NAV3: variants seen among roughly 807,000 people sequenced by gnomAD.
NAV3 encodes pore membrane and/or filament interacting like protein 1.
A neutral mutation model predicts 244.7 loss-of-function variants in NAV3; 87 were observed. The ratio of observed to expected loss-of-function variants is 0.36; its 90% CI spans 0.30 to 0.42. NAV3 has a LOEUF of 0.42. Ranked by LOEUF, NAV3 falls within the 20% of genes least tolerant of loss-of-function variation. NAV3 has a pLI of 1.00. For missense variants in NAV3, 2,663 were observed against 2,893.3 expected, an observed-to-expected ratio of 0.92 and a Z score of 1.83; for synonymous variants, 1,126 against 1,042.2, an observed-to-expected ratio of 1.08 and a Z score of -1.55.
intron 2 of NAV3, among the ~76,000 whole-genome samples, chr12:77,625,773 T>G (rs1871592317): frequency 6.6e-6 from 1 of 152,154 alleles, no homozygotes; most frequent in South Asian, 2.1e-4. Context: ...CAACCAACAC[T>G]ATAGATAAAT....
At chr12:78,051,487 T>C (rs1882754371) in intron 11 of NAV3, among the ~76,000 whole-genome samples, 2 of 152,172 alleles carry the variant, frequency 1.3e-5, no homozygotes, top group Admixed American at 6.5e-5. Context: ...GCTGATTTGC[T>C]TGATTTTTTT....
chr12:78,050,148 T>C, intron 10 of NAV3, 47 bp downstream of exon 10: 1 of 1,312,386 alleles, frequency 7.6e-7, no homozygotes, highest in Admixed American at 2.0e-5. Flanking sequence ...GAAAAAATAA[T>C]TACAAACAAA....
At chr12:77,645,711 T>C (rs556341579) in intron 2 of NAV3, among the ~76,000 whole-genome samples, 3 of 152,212 alleles carry the variant, frequency 2.0e-5, no homozygotes, top group African/African-American at 7.2e-5. Context: ...TTATTGCATT[T>C]TGTGGTCATA....
chr12:77,997,237 C>CAAA (rs139557569), intron 6 of NAV3, among the ~76,000 whole-genome samples: 61 of 78,548 alleles, frequency 7.8e-4, no homozygotes, highest in Middle Eastern at 7.5e-3. Context: ...CACCCTGTCT[C>CAAA]AAAAAAAAAA....
In NAV3 at chr12:77,831,441, G is replaced by A. The variant is rs1873671072; in HGVS notation, c.-21G>A. The A allele has an allele frequency of 6.4e-7, 1 of 1,567,972 alleles. No homozygotes were observed. Among genetic ancestry groups the A allele is most frequent in the South Asian group, 1.2e-5 (1 of 83,020 alleles). ...TTAGAAGCATTTTCTTTGGCAGCAA[G>A]AAGATAATTTTATAGAAGCCATGCC... On this transcript the variant is annotated 5_prime_UTR_variant, in exon 1 of 40. Transcript: ENST00000397909.
chr12:77,600,426 C>G (rs1338730628), intron 2 of NAV3, among the ~76,000 whole-genome samples: 1 of 151,892 alleles, frequency 6.6e-6, no homozygotes, highest in Non-Finnish European at 1.5e-5. Flanking sequence ...TCCAACTCAT[C>G]ATTTGTCACC....
At chr12:77,775,221 G>A (rs1045478951) in intron 2 of NAV3, among the ~76,000 whole-genome samples, 3 of 151,652 alleles carry the variant, frequency 2.0e-5, no homozygotes, top group Non-Finnish European at 2.9e-5. Context: ...GAGAAACCCC[G>A]TCTCCACTAA....
intron 2 of NAV3, among the ~76,000 whole-genome samples, chr12:77,611,586 TAC>T (rs1232969628): frequency 2.0e-5 from 3 of 151,944 alleles, no homozygotes; most frequent in Non-Finnish European, 4.4e-5. Context: ...TCACCAGTTC[TAC>T]TCCCTAGAAG....
intron 1 of NAV3, among the ~76,000 whole-genome samples, chr12:77,860,272 G>A (rs1879067557): frequency 6.6e-6 from 1 of 151,022 alleles, no homozygotes; most frequent in Non-Finnish European, 1.5e-5. Context: ...CAAGGGTAGA[G>A]ATGGGCTTCC....
intron 12 of NAV3, among the ~76,000 whole-genome samples, chr12:78,112,817 C>G (rs145227091): frequency 2.8e-4 from 43 of 152,276 alleles, no homozygotes; most frequent in African/African-American, 9.1e-4. Flanking sequence ...AGTCTTAACA[C>G]ATTTCAGTAT....
intron 2 of NAV3, among the ~76,000 whole-genome samples, chr12:77,809,521 A>G (rs574550763): frequency 1.5e-4 from 23 of 152,268 alleles, no homozygotes; most frequent in South Asian, 6.2e-4. Flanking sequence ...TCCAGTCCCA[A>G]TGAGATGAGT....
In NAV3 at chr12:78,171,043, T is replaced by C. The variant is rs1957979099; in HGVS notation, c.4981+2177T>C. Among the ~76,000 whole-genome samples, 4 of 151,746 alleles carry C rather than the reference T, an allele frequency of 2.6e-5. No homozygotes were observed. The South Asian group carries it at 8.3e-4, about 31-fold the overall frequency. Reference sequence around the variant, plus strand: ...ATGTAACAGGGGTTTATTTGAATTTTTAAAAGAAGAATAAAGTAATTTTTA... The same window carrying C: ...ATGTAACAGGGGTTTATTTGAATTTCTAAAAGAAGAATAAAGTAATTTTTA... On this transcript the variant is annotated intron_variant, in intron 24 of 39. Transcript: ENST00000397909.
chr12:78,113,036 G>T (rs541902702), intron 12 of NAV3, among the ~76,000 whole-genome samples: 111 of 152,294 alleles, frequency 7.3e-4, no homozygotes, highest in Non-Finnish European at 1.3e-3. Flanking sequence ...TAGGGCCATT[G>T]TTAAACCTTA....
intron 1 of NAV3, among the ~76,000 whole-genome samples, chr12:77,931,903 C>G (rs1888839487): frequency 1.9e-5 from 1 of 51,412 alleles, no homozygotes; most frequent in African/African-American, 1.1e-4. Context: ...GCTATTTGTG[C>G]GTGTGTGTTT....
At chr12:77,896,512 A>T (rs1884647661) in intron 1 of NAV3, among the ~76,000 whole-genome samples, 1 of 152,362 alleles carries the variant, frequency 6.6e-6, no homozygotes. Flanking sequence ...TGATGTGGAA[A>T]AAAGTATAGA....
chr12:78,100,435 T>C (rs976784534), intron 12 of NAV3, among the ~76,000 whole-genome samples: 11 of 151,916 alleles, frequency 7.2e-5, no homozygotes, highest in African/African-American at 2.7e-4. Flanking sequence ...CTCTTTTTCT[T>C]TCATCACTTT....
chr12:77,919,372 G>T (rs1320086953), intron 1 of NAV3, among the ~76,000 whole-genome samples: 1 of 152,004 alleles, frequency 6.6e-6, no homozygotes, highest in East Asian at 1.9e-4. Context: ...TTACCAGAAA[G>T]CTCAATTGTA....
chr12:77,595,797 A>C (rs765292989), intron 2 of NAV3, among the ~76,000 whole-genome samples: 1 of 152,188 alleles, frequency 6.6e-6, no homozygotes, highest in Non-Finnish European at 1.5e-5. Flanking sequence ...GTGTCATGCA[A>C]AAATTTATAA....
intron 2 of NAV3, among the ~76,000 whole-genome samples, chr12:77,765,797 C>A (rs1869720546): frequency 6.6e-6 from 1 of 151,776 alleles, no homozygotes; most frequent in South Asian, 2.1e-4. Flanking sequence ...CCTGAAGAAT[C>A]CAACTAGATA....
Sources: gnomAD v4.1 joint callset for allele counts (sites outside exome capture counted in the v4.1 genomes callset) on GRCh38, gnomAD v4.1.1 for gene constraint, MANE v1.5 for transcripts, NCBI Gene and HGNC (gene_info 2026-07-23, HGNC 2026-07-21) for gene names.